PLEKHA5: variants seen among roughly 807,000 people sequenced by gnomAD.
PLEKHA5 encodes pleckstrin homology domain containing A5.
PLEKHA5 carries 55 observed loss-of-function variants against 181.9 expected under a neutral mutation model. That is an observed-to-expected ratio of 0.30 (90% CI 0.24 to 0.38). PLEKHA5 has a LOEUF of 0.38. PLEKHA5 is among the 10% of genes least tolerant of loss of function. PLEKHA5 has a pLI of 1.00. For missense variants in PLEKHA5, 1,432 were observed against 1,549.5 expected, an observed-to-expected ratio of 0.92 and a Z score of 1.27; for synonymous variants, 535 against 529.4, an observed-to-expected ratio of 1.01 and a Z score of -0.15.
At chr12:19,338,536 G>A (rs1022836700) in intron 21 of PLEKHA5, among the ~76,000 whole-genome samples, 2 of 152,016 alleles carry the variant, frequency 1.3e-5, no homozygotes, top group Non-Finnish European at 2.9e-5. Context: ...GAGCCTGGGA[G>A]GCAGAGGTTG....
At chr12:19,310,167 G>T (rs1461187453) in intron 15 of PLEKHA5, among the ~76,000 whole-genome samples, 1 of 152,132 alleles carries the variant, frequency 6.6e-6, no homozygotes, top group Non-Finnish European at 1.5e-5. Context: ...CATTTCAAGT[G>T]AATCCTTAAA....
intron 11 of PLEKHA5, among the ~76,000 whole-genome samples, chr12:19,278,278 C>T (rs895641391): frequency 2.0e-5 from 3 of 152,082 alleles, no homozygotes; most frequent in Non-Finnish European, 4.4e-5. Flanking sequence ...GTTGACAGTT[C>T]AGGTTCAATA....
rs569610427 is a variant in PLEKHA5, at chr12:19,335,905, T to C, written c.2449-610T>C. ...CGTCAGCCTCCCAAAGTGCTGAGAT[T>C]ACAGATGTGAGCCACTGCGTCTGGC... On this transcript the variant is annotated intron_variant, in intron 20 of 31. Coordinates refer to ENST00000429027, the MANE Select transcript of PLEKHA5 (RefSeq NM_001256470.2). Among the ~76,000 whole-genome samples, 3 of 152,250 alleles carry C rather than the reference T, an allele frequency of 2.0e-5. No homozygotes were observed. The South Asian group carries it at 6.2e-4, about 32-fold the overall frequency.
intron 15 of PLEKHA5, among the ~76,000 whole-genome samples, chr12:19,299,492 T>G (rs919549043): frequency 6.6e-6 from 1 of 152,238 alleles, no homozygotes; most frequent in Non-Finnish European, 1.5e-5. Context: ...CCTGAATCTT[T>G]GCACGCACAT....
At chr12:19,273,744 G>A (rs1223514294) in intron 10 of PLEKHA5, among the ~76,000 whole-genome samples, 1 of 152,150 alleles carries the variant, frequency 6.6e-6, no homozygotes, top group African/African-American at 2.4e-5. Context: ...GTGGCCAGGT[G>A]GACATGGGAT....
chr12:19,164,284 C>T (rs1162226475), intron 3 of PLEKHA5, among the ~76,000 whole-genome samples: 2 of 149,848 alleles, frequency 1.3e-5, no homozygotes, highest in South Asian at 2.1e-4. Flanking sequence ...CTGTAACTTC[C>T]GCCTCCCGGG....
At chr12:19,192,400 A>G (rs978616667) in intron 3 of PLEKHA5, among the ~76,000 whole-genome samples, 1 of 152,162 alleles carries the variant, frequency 6.6e-6, no homozygotes, top group African/African-American at 2.4e-5. Flanking sequence ...ATAAGAATAG[A>G]AAATAATTTA....
At chr12:19,215,564 T>C (rs1374601067) in intron 3 of PLEKHA5, among the ~76,000 whole-genome samples, 4 of 152,228 alleles carry the variant, frequency 2.6e-5, no homozygotes, top group Non-Finnish European at 5.9e-5. Flanking sequence ...AGCATTCTTA[T>C]ATTTGAAATC....
chr12:19,318,694 G>A (rs1485989276), intron 16 of PLEKHA5, among the ~76,000 whole-genome samples: 3 of 152,168 alleles, frequency 2.0e-5, no homozygotes, highest in African/African-American at 7.2e-5. Flanking sequence ...AGGCCAAGAT[G>A]GGAGGATCAC....
chr12:19,243,331 A>C (rs371740342), intron 3 of PLEKHA5: 1 of 152,358 alleles, frequency 6.6e-6, no homozygotes, highest in East Asian at 1.9e-4. Context: ...ACTTCTGGCA[A>C]CTTTCTAAAT....
chr12:19,208,971 T>A (rs1225358708), intron 3 of PLEKHA5, among the ~76,000 whole-genome samples: 2 of 152,030 alleles, frequency 1.3e-5, no homozygotes, highest in East Asian at 3.9e-4. Flanking sequence ...CAGAGAGAAA[T>A]AGTGAAAAAT....
At chr12:19,167,526 G>T (rs1357858362) in intron 3 of PLEKHA5, among the ~76,000 whole-genome samples, 1 of 142,328 alleles carries the variant, frequency 7.0e-6, no homozygotes, top group East Asian at 2.1e-4. Flanking sequence ...TTGAAATCCT[G>T]TCTCTTCCCT....
intron 3 of PLEKHA5, among the ~76,000 whole-genome samples, chr12:19,245,275 A>G (rs2063442161): frequency 6.6e-6 from 1 of 152,186 alleles, no homozygotes; most frequent in Non-Finnish European, 1.5e-5. Context: ...CTTAGCTAAT[A>G]GCCTCTTCCT....
intron 26 of PLEKHA5, among the ~76,000 whole-genome samples, chr12:19,357,355 C>T (rs934513501): frequency 2.6e-5 from 4 of 151,908 alleles, no homozygotes; most frequent in Non-Finnish European, 4.4e-5. Context: ...AGCAATTCTC[C>T]CACCTCAGCC....
intron 30 of PLEKHA5, among the ~76,000 whole-genome samples, chr12:19,366,608 G>A (rs1285736837): frequency 6.6e-5 from 10 of 152,144 alleles, no homozygotes; most frequent in South Asian, 6.2e-4. Context: ...AGCCGAGATC[G>A]TGCCACTGCA....
intron 7 of PLEKHA5, among the ~76,000 whole-genome samples, chr12:19,264,546 A>G (rs1015239723): frequency 1.3e-5 from 2 of 151,978 alleles, no homozygotes; most frequent in African/African-American, 2.4e-5. Flanking sequence ...CTGCTTTCCA[A>G]CTCTTTTTAA....
intron 3 of PLEKHA5, among the ~76,000 whole-genome samples, chr12:19,164,665 C>G (rs890758942): frequency 2.0e-5 from 3 of 152,166 alleles, no homozygotes; most frequent in Non-Finnish European, 4.4e-5. Flanking sequence ...ACAACTCAGT[C>G]TTGTCCCTTG....
At chr12:19,292,513 T>C (rs778560303) in intron 15 of PLEKHA5, among the ~76,000 whole-genome samples, 11 of 152,256 alleles carry the variant, frequency 7.2e-5, no homozygotes, top group Non-Finnish European at 1.6e-4. Flanking sequence ...CCTTATTCCC[T>C]GTTTGCTGTG....
intron 4 of PLEKHA5, among the ~76,000 whole-genome samples, chr12:19,254,622 A>G (rs2066335358): frequency 1.3e-5 from 2 of 151,602 alleles, no homozygotes; most frequent in African/African-American, 4.8e-5. Context: ...GGCATTCAAG[A>G]CCAGCCTGGC....
Sources: gnomAD v4.1 joint callset for allele counts (sites outside exome capture counted in the v4.1 genomes callset) on GRCh38, gnomAD v4.1.1 for gene constraint, MANE v1.5 for transcripts, NCBI Gene and HGNC (gene_info 2026-07-23, HGNC 2026-07-21) for gene names.